The following CASK variants were observed in gnomAD, a reference collection of about 807,000 sequenced individuals.
CASK encodes the protein calcium/calmodulin dependent serine protein kinase, also known as peripheral plasma membrane protein CASK.
A neutral mutation model predicts 82.9 loss-of-function variants in CASK; 4 were observed. The ratio of observed to expected loss-of-function variants is 0.05; its 90% confidence interval spans 0.02 to 0.11. The LOEUF (loss-of-function observed/expected upper bound fraction) is 0.11. CASK is among the 10% of genes least tolerant of loss of function. The pLI, the probability that CASK is intolerant of heterozygous loss-of-function variation, is 1.00. For missense variants in CASK, 358 were observed against 720.9 expected (o/e 0.50, Z 5.76); for synonymous variants, 259 against 253.5 (o/e 1.02, Z -0.20).
chrX:41,683,940 C>T (rs775205462), intron 5 of CASK, among the ~76,000 whole-genome samples: 2 of 111,714 alleles, frequency 1.8e-5, no homozygotes, highest in Non-Finnish European at 3.8e-5. Context: ...TAGGTATGCC[C>T]GGTCAAAATA....
chrX:41,612,512 C>T lies in CASK; in HGVS notation c.1034-2487G>A, dbSNP rs1347063668. On this transcript the variant is annotated intron_variant, in intron 11 of 26. Transcript: ENST00000378163. ...GGAGCGTCTCCGCCCGGCAGCCACC[C>T]CGTCCGGGAAGGAGGTGGGGGTCAG... 4.6e-5 allele frequency among the ~76,000 whole-genome samples: 5 copies of T among 108,268 alleles called. No individual in the cohort carries two copies. The East Asian group carries it at 1.2e-3, about 26-fold the overall frequency. 94.0% of individuals were successfully genotyped at this position (108,268 alleles called of 115,157 possible).
At chrX:41,787,879 G>A (rs1038931993) in intron 2 of CASK, among the ~76,000 whole-genome samples, 1 of 111,192 alleles carries the variant, frequency 9.0e-6, no homozygotes, top group African/African-American at 3.3e-5. Flanking sequence ...GCTGGGGCCA[G>A]GCGTGGTGGC....
rs768913722 is a variant in CASK, at chrX:41,708,074, C to T, written c.429+31310G>A. On this transcript the variant is annotated intron_variant, in intron 5 of 26. Coordinates refer to ENST00000378163, the MANE Select transcript of CASK (RefSeq NM_001367721.1). ...TGGAGGTTGCAGTGAGCCGAGATCG[C>T]GCCACTGCAGTCCAGCCTGGCGACA... Among the ~76,000 whole-genome samples, 724 of 102,480 alleles carry T rather than the reference C, an allele frequency of 7.1e-3. 5 individuals carry two copies. Among genetic ancestry groups the T allele is most frequent in the Non-Finnish European group, 0.01 (507 of 50,663 alleles). The allele number at this position is 102,480 out of a possible 115,157, so 89.0% of individuals were successfully genotyped here.
intron 8 of CASK, among the ~76,000 whole-genome samples, chrX:41,656,734 G>A (rs1235004405): frequency 9.0e-6 from 1 of 110,566 alleles, no homozygotes; most frequent in Non-Finnish European, 1.9e-5. Context: ...GGGGAAGGGG[G>A]GTGGTAGAGG....
At chrX:41,726,822 C>T (rs970950047) in intron 5 of CASK, 22 of 286,784 alleles carry the variant, frequency 7.7e-5, no homozygotes, top group Middle Eastern at 9.3e-4. Context: ...TTATTTCAAC[C>T]GGACAATCGT....
At chrX:41,910,363 G>A (rs1055113490) in intron 1 of CASK, among the ~76,000 whole-genome samples, 1 of 111,858 alleles carries the variant, frequency 8.9e-6, no homozygotes, top group Non-Finnish European at 1.9e-5. Flanking sequence ...TCTTTTACAA[G>A]ATGAAGAAAC....
chrX:41,537,519 T>G (rs1235426455), intron 22 of CASK, among the ~76,000 whole-genome samples: 1 of 111,237 alleles, frequency 9.0e-6, no homozygotes, highest in Non-Finnish European at 1.9e-5. Flanking sequence ...GTCATTGAAA[T>G]ATGGCTTTTC....
At chrX:41,524,114 T>C (rs1362790378) in intron 25 of CASK, 80 bp from the exon 26 acceptor site, 1 of 765,504 alleles carries the variant, frequency 1.3e-6, no homozygotes, top group Admixed American at 3.3e-5. Context: ...CTATAAAAAT[T>C]TTTATACAAC....
chrX:41,661,735 T>C (rs190840139), intron 7 of CASK, among the ~76,000 whole-genome samples: 1 of 108,835 alleles, frequency 9.2e-6, no homozygotes, highest in African/African-American at 3.3e-5. Flanking sequence ...CAAATCCCAT[T>C]AAGACTAATG....
At chrX:41,865,067 A>C (rs1001680476) in intron 1 of CASK, among the ~76,000 whole-genome samples, 12 of 112,044 alleles carry the variant, frequency 1.1e-4, no homozygotes, top group Non-Finnish European at 2.1e-4. Flanking sequence ...TCAAACATCT[A>C]AACACTTGGG....
intron 1 of CASK, among the ~76,000 whole-genome samples, chrX:41,870,627 T>C (rs944083467): frequency 8.9e-6 from 1 of 112,616 alleles, no homozygotes; most frequent in East Asian, 2.8e-4. Context: ...AAATATATGA[T>C]AGACATTAAC....
chrX:41,637,378 C>CTTTTTTTTT (rs758261036), intron 8 of CASK, among the ~76,000 whole-genome samples: 2 of 36,877 alleles, frequency 5.4e-5, no homozygotes, highest in Non-Finnish European at 8.7e-5. Context: ...TTAGGACACG[C>CTTTTTTTTT]TTTTTTTTTT....
intron 1 of CASK, among the ~76,000 whole-genome samples, chrX:41,891,739 AATAG>A (rs2072174123): frequency 8.9e-6 from 1 of 112,133 alleles, no homozygotes; most frequent in Admixed American, 9.4e-5. Flanking sequence ...AAAAGACAAT[AATAG>A]ATAAATATCT....
At chrX:41,886,069 G>A (rs748664096) in intron 1 of CASK, among the ~76,000 whole-genome samples, 17 of 111,673 alleles carry the variant, frequency 1.5e-4, no homozygotes, top group Non-Finnish European at 3.0e-4. Context: ...GCATTTGGTT[G>A]CCTACCAATC....
chrX:41,595,002 T>C (rs1230710423), intron 12 of CASK, among the ~76,000 whole-genome samples: 1 of 111,889 alleles, frequency 8.9e-6, no homozygotes, highest in Non-Finnish European at 1.9e-5. Context: ...TAATAGCCCC[T>C]AGCGTGAGGC....
intron 22 of CASK, among the ~76,000 whole-genome samples, chrX:41,538,235 T>C (rs997735623): frequency 8.9e-6 from 1 of 111,942 alleles, no homozygotes; most frequent in Non-Finnish European, 1.9e-5. Context: ...AAAAAAAGAA[T>C]AGCTTTTAAA....
At chrX:41,807,520 T>C (rs1198763741) in intron 2 of CASK, among the ~76,000 whole-genome samples, 1 of 111,838 alleles carries the variant, frequency 8.9e-6, no homozygotes, top group Non-Finnish European at 1.9e-5. Flanking sequence ...TTGTCCCAGC[T>C]GCTCACCCAC....
intron 11 of CASK, among the ~76,000 whole-genome samples, chrX:41,617,732 C>A (rs2066223107): frequency 8.9e-6 from 1 of 111,999 alleles, no homozygotes; most frequent in African/African-American, 3.2e-5. Flanking sequence ...ACTTCTCGGG[C>A]TTCTCCATTG....
At chrX:41,667,627 T>G (rs2067136965) in intron 6 of CASK, among the ~76,000 whole-genome samples, 1 of 111,398 alleles carries the variant, frequency 9.0e-6, no homozygotes, top group African/African-American at 3.3e-5. Context: ...GTCTCACTAT[T>G]TTCCCCAGGC....
Sources: allele counts gnomAD v4.1 joint callset (sites outside exome capture counted in the v4.1 genomes callset), GRCh38; gene constraint gnomAD v4.1.1; transcripts MANE v1.5; gene names NCBI Gene and HGNC (gene_info 2026-07-23, HGNC 2026-07-21).